The following COL19A1 variants were observed in gnomAD, a reference collection of about 807,000 sequenced individuals.
COL19A1 encodes the protein collagen alpha-1(XIX) chain.
Under a neutral mutation model 190.2 loss-of-function variants are expected in COL19A1, and 159 were observed. The observed-to-expected ratio is 0.84, with a 90% CI of 0.73 to 0.95. The LOEUF (loss-of-function observed/expected upper bound fraction) is 0.95, where lower values mean the gene tolerates loss of function less well. Ranked by LOEUF, COL19A1 falls within the 40% of genes least tolerant of loss-of-function variation. The pLI, the probability that COL19A1 is intolerant of heterozygous loss-of-function variation, is 0.00. For missense variants in COL19A1, 1,418 were observed against 1,431.9 expected (o/e 0.99, Z 0.16); for synonymous variants, 509 against 458.9 (o/e 1.11, Z -1.39).
At chr6:69,986,876 T>C (rs1776344244) in intron 11 of COL19A1, among the ~76,000 whole-genome samples, 1 of 152,176 alleles carries the variant, frequency 6.6e-6, no homozygotes. Context: ...AGAAATTCTA[T>C]TTCTAAGATT....
intron 23 of COL19A1, among the ~76,000 whole-genome samples, chr6:70,143,968 G>A (rs561011857): frequency 2.6e-5 from 4 of 152,188 alleles, no homozygotes; most frequent in South Asian, 2.1e-4. Context: ...TGGGTGAGAC[G>A]TTCGGTTCAA....
chr6:69,921,365 T>TATCATA (rs1771798796), intron 4 of COL19A1, among the ~76,000 whole-genome samples: 2 of 108,104 alleles, frequency 1.9e-5, no homozygotes, highest in South Asian at 2.9e-4. Context: ...TAATCATATA[T>TATCATA]ATCATATATA....
chr6:70,003,878 G>A (rs752671728), intron 11 of COL19A1, among the ~76,000 whole-genome samples: 10 of 152,190 alleles, frequency 6.6e-5, no homozygotes, highest in African/African-American at 2.2e-4. Context: ...TACATTTAAC[G>A]TTAGTATTGT....
At chr6:69,873,714 TA>T (rs1276489585) in intron 1 of COL19A1, among the ~76,000 whole-genome samples, 1 of 152,200 alleles carries the variant, frequency 6.6e-6, no homozygotes, top group African/African-American at 2.4e-5. Context: ...CCCAATGCCT[TA>T]AAGACCCCAC....
intron 14 of COL19A1, among the ~76,000 whole-genome samples, chr6:70,052,994 G>A (rs927266638): frequency 6.6e-6 from 1 of 152,126 alleles, no homozygotes; most frequent in African/African-American, 2.4e-5. Flanking sequence ...AGACACACTA[G>A]CAGGTATGCA....
chr6:70,173,658 T>C (rs1389199252), intron 41 of COL19A1, among the ~76,000 whole-genome samples: 1 of 151,974 alleles, frequency 6.6e-6, no homozygotes, highest in Non-Finnish European at 1.5e-5. Flanking sequence ...CACTATATGG[T>C]AGGAACAACC....
intron 14 of COL19A1, among the ~76,000 whole-genome samples, chr6:70,036,925 C>G (rs185668116): frequency 6.6e-6 from 1 of 151,984 alleles, no homozygotes; most frequent in Non-Finnish European, 1.5e-5. Context: ...ATGAAAAATA[C>G]ATTAATAATG....
chr6:70,049,037 C>T (rs1780054226), intron 14 of COL19A1, among the ~76,000 whole-genome samples: 1 of 151,662 alleles, frequency 6.6e-6, no homozygotes, highest in Non-Finnish European at 1.5e-5. Flanking sequence ...TTTATATGTA[C>T]ATATAAATGT....
At chr6:69,978,392 A>C (rs1483985585) in intron 11 of COL19A1, among the ~76,000 whole-genome samples, 1 of 152,124 alleles carries the variant, frequency 6.6e-6, no homozygotes, top group Non-Finnish European at 1.5e-5. Flanking sequence ...AAAAAAAATA[A>C]AAAACTCACC....
chr6:70,165,407 G>A (rs555138887), intron 36 of COL19A1, among the ~76,000 whole-genome samples: 9 of 152,254 alleles, frequency 5.9e-5, no homozygotes, highest in Admixed American at 2.6e-4. Flanking sequence ...GTCTGACTTG[G>A]GTGTAAAGTC....
At chr6:70,000,250 T>C (rs1316028078) in intron 11 of COL19A1, among the ~76,000 whole-genome samples, 2 of 152,262 alleles carry the variant, frequency 1.3e-5, no homozygotes, top group Non-Finnish European at 2.9e-5. Flanking sequence ...TACAACATTT[T>C]CTTTATTCAG....
chr6:70,124,330 C>T (rs1292818523), intron 17 of COL19A1, among the ~76,000 whole-genome samples: 5 of 152,194 alleles, frequency 3.3e-5, no homozygotes, highest in African/African-American at 4.8e-5. Context: ...ATATTACTAT[C>T]GCCCTTGGTA....
At chr6:69,933,895 A>G (rs1393477314) in intron 7 of COL19A1, among the ~76,000 whole-genome samples, 1 of 152,020 alleles carries the variant, frequency 6.6e-6, no homozygotes, top group Non-Finnish European at 1.5e-5. Flanking sequence ...AGATATTCAA[A>G]GGGGACTGGT....
At position 70,156,148 on chromosome 6, in the gene COL19A1, G is replaced by A. The variant is rs1334706647; in HGVS notation, c.2101G>A (p.Ala701Thr). 3.7e-6 allele frequency: 6 copies of A among 1,612,938 alleles called. No individual in the cohort carries two copies. The highest frequency in any genetic ancestry group is 2.7e-5 in the African/African-American group (2 of 74,848). The change falls in exon 32 of 51, where the codon GCC (alanine) becomes ACC (threonine). Residue 701 changes from alanine (A) to threonine (T), a missense_variant. Coordinates refer to ENST00000620364, the MANE Select transcript of COL19A1 (RefSeq NM_001858.6). ...TTAGAATTTCTGTGGCAACTGCCAA[G>A]CCAGTGTCCCAGGGCTGAAAAGCAA... is the stretch of plus-strand genomic sequence containing the variant. ...LLKNFCGNCQ[A>T]SVPGLKSNKG...
chr6:69,883,658 A>G (rs1203240836), intron 2 of COL19A1, among the ~76,000 whole-genome samples: 1 of 152,238 alleles, frequency 6.6e-6, no homozygotes, highest in Non-Finnish European at 1.5e-5. Flanking sequence ...TGCAAAGAGT[A>G]TAACAGAACT....
chr6:69,982,693 C>G (rs1776101764), intron 11 of COL19A1, among the ~76,000 whole-genome samples: 1 of 147,708 alleles, frequency 6.8e-6, no homozygotes, highest in African/African-American at 2.7e-5. Flanking sequence ...ACATGCCCGG[C>G]CAGGAGCAGT....
chr6:70,125,096 C>G (rs1263648975), intron 17 of COL19A1, among the ~76,000 whole-genome samples: 1 of 102,938 alleles, frequency 9.7e-6, no homozygotes, highest in Non-Finnish European at 2.1e-5. Context: ...TTTTTGGACA[C>G]TGAGATTGCA....
At chr6:69,931,828 C>T (rs1044496266) in intron 6 of COL19A1, among the ~76,000 whole-genome samples, 4 of 151,706 alleles carry the variant, frequency 2.6e-5, no homozygotes, top group Admixed American at 2.6e-4. Context: ...TCATCTGAGG[C>T]GAAAAGTAAA....
At chr6:69,902,131 A>G (rs1326514083) in intron 4 of COL19A1, among the ~76,000 whole-genome samples, 1 of 152,180 alleles carries the variant, frequency 6.6e-6, no homozygotes, top group East Asian at 1.9e-4. Context: ...GTGAGTATCA[A>G]GTAGCTTGGC....
Sources: gnomAD v4.1 joint callset for allele counts (sites outside exome capture counted in the v4.1 genomes callset) on GRCh38, gnomAD v4.1.1 for gene constraint, MANE v1.5 for transcripts, NCBI Gene and HGNC (gene_info 2026-07-23, HGNC 2026-07-21) for gene names.